MGAM: variants seen among roughly 807,000 people sequenced by gnomAD.
MGAM encodes the protein maltase-glucoamylase, also known as alpha-1,4-glucosidase.
In MGAM, 253 loss-of-function variants were observed where a neutral mutation model predicts 358.8. The observed-to-expected ratio is 0.71, with a 90% CI of 0.64 to 0.78. MGAM has a LOEUF of 0.78. Ranked by LOEUF, MGAM falls within the 30% of genes least tolerant of loss-of-function variation. The pLI, the probability that MGAM is intolerant of heterozygous loss-of-function variation, is 0.00. For missense variants in MGAM, 3,080 were observed against 3,432.6 expected (o/e 0.90, Z 2.57); for synonymous variants, 1,105 against 1,227.1 (o/e 0.90, Z 2.08).
chr7:142,047,820 A>G lies in MGAM; in HGVS notation c.2534A>G (p.Asp845Gly). The part of the protein sequence containing the change: ...KNPLGLIIAL[D>G]ENKEAKGELF... ...CCTCTTGGTCTTATCATTGCCCTAG[A>G]TGAGAACAAAGAAGCAAAAGGAGAA... Residue 845 changes from aspartate (D) to glycine (G), a missense_variant, in exon 22 of 71, where the codon GAT becomes GGT. By Grantham distance (94) the Asp-to-Gly change is moderately conservative. Around this residue, in one of 5 missense-constraint regions of MGAM, gnomAD observed 1,816 missense variants for 1,840.5 expected, o/e 0.99. Coordinates refer to ENST00000475668, the MANE Select transcript of MGAM (RefSeq NM_001365693.1). 6.2e-7 allele frequency: 1 copy of G among 1,612,606 alleles called. No individual in the cohort carries two copies. The highest frequency in any genetic ancestry group is 8.5e-7 in the Non-Finnish European group (1 of 1,178,746).
intron 63 of MGAM, 92 bp downstream of exon 63, chr7:142,094,955 T>A: frequency 7.7e-7 from 1 of 1,306,122 alleles, no homozygotes; most frequent in East Asian, 2.6e-5. Context: ...TCCTGTGATA[T>A]CTTTAAAATT....
intron 49 of MGAM, among the ~76,000 whole-genome samples, chr7:142,079,875 A>G (rs985935761): frequency 6.2e-5 from 9 of 146,270 alleles, no homozygotes; most frequent in African/African-American, 2.2e-4. Flanking sequence ...GTATGTTTGT[A>G]CCCTCATCAT....
At position 142,034,756 on chromosome 7, in the gene MGAM, G is replaced by A. The variant is rs1554465201; in HGVS notation, c.1874G>A (p.Trp625Ter). ...GGCTCTGGCAAGTTTGCAGCACATT[G>A]GTTAGGAGACAACACTGCCACCTGG... ...FAGSGKFAAH[W>*]LGDNTATWDD... Residue 625 changes from tryptophan (W) to a stop codon, truncating the protein, a stop_gained, in exon 16 of 71, where the codon TGG becomes TAG. Coordinates refer to ENST00000475668, the MANE Select transcript of MGAM (RefSeq NM_001365693.1). LOFTEE classifies it high-confidence loss of function. 1.9e-6 allele frequency: 3 copies of A among 1,613,566 alleles called. No homozygotes were observed. The highest frequency in any genetic ancestry group is 1.1e-5 in the South Asian group (1 of 91,074).
chr7:142,080,659 C>G, intron 49 of MGAM, 132 bp from the exon 50 acceptor site: 1 of 835,814 alleles, frequency 1.2e-6, no homozygotes, highest in South Asian at 2.0e-5. Context: ...TTAATTAAAT[C>G]TCAGACATCA....
rs546535800 is a variant in MGAM, at chr7:142,027,736, G to A, written c.1221+1G>A. 18 of 1,594,710 alleles carry A rather than the reference G, an allele frequency of 1.1e-5. 1 individual carries two copies. In the South Asian group the frequency reaches 1.8e-4, roughly 16 times the overall value. On this transcript the variant is annotated splice_donor_variant, in intron 10 of 70. Transcript: ENST00000475668. LOFTEE classifies it high-confidence loss of function. Reference sequence around the variant, plus strand: ...AAATCGCGCAGCACAGCTCCCTTATGTAAGCAAGGTTTTCAACAGTTCTCC... The same window carrying A: ...AAATCGCGCAGCACAGCTCCCTTATATAAGCAAGGTTTTCAACAGTTCTCC...
At chr7:142,043,785 C>A in intron 21 of MGAM, among the ~76,000 whole-genome samples, 1 of 78,030 alleles carries the variant, frequency 1.3e-5, no homozygotes, top group Non-Finnish European at 2.9e-5. Flanking sequence ...TATACACATA[C>A]GACATATAAT....
intron 3 of MGAM, among the ~76,000 whole-genome samples, chr7:142,016,125 A>G (rs1805944771): frequency 6.6e-6 from 1 of 152,106 alleles, no homozygotes; most frequent in South Asian, 2.1e-4. Context: ...CTTTTGACAT[A>G]AAGTACTTTC....
At chr7:142,103,498 T>C (rs1816607982) in intron 70 of MGAM, 59 bp downstream of exon 70, 1 of 1,405,034 alleles carries the variant, frequency 7.1e-7, no homozygotes, top group Non-Finnish European at 9.4e-7. Context: ...CCTAGTGCAG[T>C]GCCTGACTGC....
intron 2 of MGAM, among the ~76,000 whole-genome samples, chr7:142,007,455 C>T (rs759470176): frequency 1.3e-5 from 2 of 152,012 alleles, no homozygotes; most frequent in Non-Finnish European, 2.9e-5. Flanking sequence ...CTTGTTACAA[C>T]AATATCTACT....
intron 2 of MGAM, among the ~76,000 whole-genome samples, chr7:142,008,228 C>T (rs1326370230): frequency 6.6e-6 from 1 of 152,194 alleles, no homozygotes; most frequent in Non-Finnish European, 1.5e-5. Flanking sequence ...GTGGTCCCCA[C>T]CTTCATGAGC....
chr7:142,040,673 G>C, intron 20 of MGAM, 49 bp from the exon 21 acceptor site: 1 of 1,602,612 alleles, frequency 6.2e-7, no homozygotes, highest in Non-Finnish European at 8.5e-7. Context: ...AATCAGTGAA[G>C]GGCAATATGC....
Position 142,043,584 on chromosome 7 carries a change from A to ATATATAATAC in MGAM, c.2498+2738_2498+2739insTATATAATAC, listed in dbSNP as rs1809383104. 9.5e-5 allele frequency among the ~76,000 whole-genome samples: 2 copies of ATATATAATAC among 21,074 alleles called. 1 individual carries two copies. Among genetic ancestry groups the ATATATAATAC allele is most frequent in the African/African-American group, 3.7e-4 (2 of 5,380 alleles). The allele number at this position is 21,074 out of a possible 152,430, so 13.8% of individuals were successfully genotyped here. A position where few individuals can be genotyped will look rare whatever the true frequency, so the allele number is the denominator to read the frequency against. Reference sequence around the variant, plus strand: ...ATATTATATATACATATGATATCTAAATATATAATATATACATATAATATC... The same window carrying ATATATAATAC: ...ATATTATATATACATATGATATCTAATATATAATACATATATAATATATACATATAATATC... On this transcript the variant is annotated intron_variant, in intron 21 of 70. Transcript: ENST00000475668.
chr7:142,065,796 C>A lies in MGAM; in HGVS notation c.4735C>A (p.Pro1579Thr). ...VRWMQLGAFY[P>T]FSRNHNTIGT... Reference sequence around the variant, plus strand: ...CTGGATGCAGCTGGGGGCCTTTTACCCCTTCTCAAGAAACCACAATACCAT... The same window carrying A: ...CTGGATGCAGCTGGGGGCCTTTTACACCTTCTCAAGAAACCACAATACCAT... The change falls in exon 40 of 71, where the codon CCC becomes ACC. Residue 1579 changes from proline to threonine, a missense_variant. By Grantham distance (38) the Pro-to-Thr change is conservative. Transcript: ENST00000475668. The A allele has an allele frequency of 6.4e-7, 1 of 1,556,172 alleles. No individual in the cohort carries two copies. Among genetic ancestry groups the A allele is most frequent in the Non-Finnish European group, 8.8e-7 (1 of 1,132,584 alleles).
intron 57 of MGAM, among the ~76,000 whole-genome samples, chr7:142,090,549 T>C (rs1441395580): frequency 6.8e-6 from 1 of 146,048 alleles, no homozygotes; most frequent in African/African-American, 2.4e-5. Context: ...CAGACCCATG[T>C]AGGCTGGTCT....
At chr7:142,063,647 G>C in intron 36 of MGAM, 61 bp downstream of exon 36, 1 of 1,568,598 alleles carries the variant, frequency 6.4e-7, no homozygotes, top group Admixed American at 1.8e-5. Flanking sequence ...CACTGGAGGA[G>C]CCCGAGGCCA....
At chr7:142,050,572 A>T in intron 23 of MGAM, 125 bp from the exon 24 acceptor site, 1 of 1,016,630 alleles carries the variant, frequency 9.8e-7, no homozygotes, top group East Asian at 2.5e-5. Context: ...ACACACTAGT[A>T]GAGAAAGCAG....
intron 65 of MGAM, among the ~76,000 whole-genome samples, chr7:142,096,836 A>G (rs1815957336): frequency 6.6e-6 from 1 of 152,222 alleles, no homozygotes; most frequent in East Asian, 1.9e-4. Context: ...CTTCCTCTGC[A>G]GGAGCTCCTC....
chr7:142,019,120 C>CAAATTAGAT (rs1806202246), intron 3 of MGAM, 79 bp from the exon 4 acceptor site: 1 of 1,456,000 alleles, frequency 6.9e-7, no homozygotes, highest in African/African-American at 1.4e-5. Context: ...ACCAGAGTCT[C>CAAATTAGAT]AAATTAGATG....
chr7:142,077,269 A>T (rs116939290), intron 47 of MGAM, among the ~76,000 whole-genome samples: 7,001 of 145,286 alleles, frequency 0.048, 763 homozygotes, highest in East Asian at 0.15. Flanking sequence ...ACCAACTTGA[A>T]TTAATTCTCA....
Sources: gnomAD v4.1 joint callset for allele counts (sites outside exome capture counted in the v4.1 genomes callset) on GRCh38, gnomAD v4.1.1 for gene constraint, gnomAD v4.1.1 regional missense constraint, MANE v1.5 for transcripts, NCBI Gene and HGNC (gene_info 2026-07-23, HGNC 2026-07-21) for gene names.